The following ESRRG variants were observed in gnomAD, a reference collection of about 807,000 sequenced individuals.
The protein encoded by ESRRG is estrogen-related receptor gamma.
In ESRRG, 13 loss-of-function variants were observed where a neutral mutation model predicts 44.0. The observed-to-expected ratio is 0.30, with a 90% CI of 0.19 to 0.47. ESRRG has a LOEUF of 0.47. Among genes scored for constraint, ESRRG ranks in the 20% least tolerant of loss-of-function variants. The pLI is 1.00. For missense variants in ESRRG, 395 were observed against 580.6 expected, an observed-to-expected ratio of 0.68 and a Z score of 3.29; for synonymous variants, 215 against 214.6, an observed-to-expected ratio of 1.00 and a Z score of -0.02.
chr1:216,621,658 C>T (rs967791323), intron 3 of ESRRG, among the ~76,000 whole-genome samples: 1 of 152,158 alleles, frequency 6.6e-6, no homozygotes, highest in African/African-American at 2.4e-5. Context: ...CCACTGAAGA[C>T]AAAATTTTAC....
upstream of ESRRG, among the ~76,000 whole-genome samples, chr1:217,094,443 T>G (rs2151555878): frequency 6.7e-6 from 1 of 149,924 alleles, no homozygotes; most frequent in Middle Eastern, 3.5e-3. Context: ...GCATGTTTCC[T>G]GTTTAACTGA....
chr1:217,021,071 CACACAT>C (rs1007858520), intron 1 of ESRRG, among the ~76,000 whole-genome samples: 11 of 151,534 alleles, frequency 7.3e-5, no homozygotes, highest in Non-Finnish European at 1.5e-4. Context: ...CACACACACA[CACACAT>C]ACACACAGAG....
chr1:216,567,954 G>T lies in ESRRG; in HGVS notation c.700+34C>A, dbSNP rs118157606. On this transcript the variant is annotated intron_variant, in intron 4 of 6. Coordinates refer to ENST00000408911, the MANE Select transcript of ESRRG (RefSeq NM_001438.4). ...ATAGAGCCAACTGGGAGGATTTCGTGTTCTGGGAAGCCAGACACATCTGCT... is the reference window on the plus strand; with the variant it reads ...ATAGAGCCAACTGGGAGGATTTCGTTTTCTGGGAAGCCAGACACATCTGCT... The T allele has an allele frequency of 1.3e-3, 1,816 of 1,419,038 alleles. 29 individuals carry two copies. The East Asian group carries it at 0.035, about 27-fold the overall frequency. The allele number at this position is 1,419,038 out of a possible 1,614,324, so 87.9% of individuals were successfully genotyped here. A position where few individuals can be genotyped will look rare whatever the true frequency, so the allele number is the denominator to read the frequency against.
At chr1:217,014,382 T>C (rs1293380446) in intron 1 of ESRRG, among the ~76,000 whole-genome samples, 1 of 152,134 alleles carries the variant, frequency 6.6e-6, no homozygotes, top group Non-Finnish European at 1.5e-5. Flanking sequence ...TAGGAAATTG[T>C]TCAGTGACTC....
rs575518661 is a variant in ESRRG, at chr1:216,877,162, T to C, written c.-14+62420A>G. On this transcript the variant is annotated intron_variant, in intron 2 of 7. Coordinates refer to the ESRRG transcript ENST00000359162. The stretch of plus-strand genomic sequence containing the variant: ...TTGTACTCATCATGTTTCATTATGA[T>C]TATGTATTCATCTATCTCATTCACT... Among the ~76,000 whole-genome samples the C allele has an allele frequency of 1.1e-4, 17 of 152,228 alleles. No individual in the cohort carries two copies. The South Asian group carries it at 3.5e-3, about 32-fold the overall frequency.
intron 2 of ESRRG, among the ~76,000 whole-genome samples, chr1:216,797,053 G>C (rs979031606): frequency 6.6e-6 from 1 of 151,734 alleles, no homozygotes. Context: ...TGTCACACCT[G>C]GCTAATTTTT....
At chr1:216,594,400 G>A (rs1283927757) in intron 3 of ESRRG, among the ~76,000 whole-genome samples, 1 of 151,894 alleles carries the variant, frequency 6.6e-6, no homozygotes, top group East Asian at 1.9e-4. Flanking sequence ...ATATTTTAAG[G>A]AGAGCAAAAT....
intron 1 of ESRRG, among the ~76,000 whole-genome samples, chr1:217,085,753 T>C (rs182397774): frequency 1.4e-4 from 22 of 152,140 alleles, no homozygotes; most frequent in African/African-American, 4.8e-4. Context: ...CCTCCCAAAG[T>C]GCTGGGATTA....
chr1:216,952,578 C>T (rs2067162767), intron 1 of ESRRG, among the ~76,000 whole-genome samples: 1 of 152,048 alleles, frequency 6.6e-6, no homozygotes, highest in African/African-American at 2.4e-5. Context: ...GAAACAGACA[C>T]AAAATTTATT....
intron 1 of ESRRG, among the ~76,000 whole-genome samples, chr1:217,118,734 G>A (rs1167796309): frequency 1.3e-5 from 2 of 152,148 alleles, no homozygotes; most frequent in African/African-American, 4.8e-5. Flanking sequence ...GCTCTCGCCT[G>A]TAATCTCAGC....
chr1:216,548,840 G>A (rs549132953), intron 5 of ESRRG, among the ~76,000 whole-genome samples: 13 of 152,106 alleles, frequency 8.5e-5, no homozygotes, highest in East Asian at 7.8e-4. Flanking sequence ...AGTAATTACC[G>A]TAAAGGTACC....
intron 2 of ESRRG, among the ~76,000 whole-genome samples, chr1:216,898,691 C>T (rs1434574318): frequency 6.8e-6 from 1 of 147,500 alleles, no homozygotes; most frequent in African/African-American, 2.4e-5. Flanking sequence ...GTAGTCACAG[C>T]TTTTATACCC....
intron 1 of ESRRG, among the ~76,000 whole-genome samples, chr1:217,061,553 T>G (rs2088505306): frequency 6.6e-6 from 1 of 152,020 alleles, no homozygotes; most frequent in Non-Finnish European, 1.5e-5. Context: ...TCACAGAGGT[T>G]TTATTAAAAA....
intron 1 of ESRRG, among the ~76,000 whole-genome samples, chr1:217,040,865 C>T (rs1432927505): frequency 1.3e-5 from 2 of 152,152 alleles, no homozygotes; most frequent in African/African-American, 4.8e-5. Context: ...TACTACTCCA[C>T]TCAACACAGA....
chr1:217,120,970 G>A (rs1320322775), intron 1 of ESRRG, among the ~76,000 whole-genome samples: 2 of 152,284 alleles, frequency 1.3e-5, no homozygotes, highest in Admixed American at 6.5e-5. Context: ...TTGTGTCCAA[G>A]GCATGGCACA....
chr1:216,911,013 T>C (rs749258497), intron 2 of ESRRG, among the ~76,000 whole-genome samples: 1 of 152,186 alleles, frequency 6.6e-6, no homozygotes, highest in African/African-American at 2.4e-5. Flanking sequence ...TTCAGTACAG[T>C]GCACTTTACA....
intron 1 of ESRRG, among the ~76,000 whole-genome samples, chr1:216,989,461 G>A (rs974428512): frequency 5.3e-5 from 8 of 149,804 alleles, no homozygotes; most frequent in African/African-American, 2.0e-4. Context: ...CACAGTGGGA[G>A]TGATTTATAA....
intron 2 of ESRRG, among the ~76,000 whole-genome samples, chr1:216,735,088 T>C (rs969784794): frequency 2.6e-5 from 4 of 151,850 alleles, no homozygotes; most frequent in Admixed American, 6.6e-5. Flanking sequence ...TTGGTATTTT[T>C]AGTAGAAATG....
chr1:216,684,786 A>C (rs72737396), intron 1 of ESRRG, among the ~76,000 whole-genome samples: 2,110 of 152,306 alleles, frequency 0.014, 22 homozygotes, highest in Non-Finnish European at 0.021. Context: ...TACAGATTGC[A>C]CTCAAAAACT....
Sources: gnomAD v4.1 joint callset for allele counts (sites outside exome capture counted in the v4.1 genomes callset) on GRCh38, gnomAD v4.1.1 for gene constraint, MANE v1.5 for transcripts, NCBI Gene and HGNC (gene_info 2026-07-23, HGNC 2026-07-21) for gene names.